The following TLCD5 variants were observed in gnomAD, a reference collection of about 807,000 sequenced individuals.
TLCD5 encodes TLC domain-containing protein 5.
Under a neutral mutation model 20.5 loss-of-function variants are expected in TLCD5, and 15 were observed. That is an observed-to-expected ratio of 0.73 (90% CI 0.49 to 1.13). The LOEUF (loss-of-function observed/expected upper bound fraction) is 1.13. Ranked by LOEUF, TLCD5 falls within the 50% of genes most tolerant of loss-of-function variation. The probability of loss-of-function intolerance (pLI) is 0.00; values close to 1 mark genes in which losing one functional copy is unlikely to be tolerated. For missense variants in TLCD5, 289 were observed against 305.6 expected, an observed-to-expected ratio of 0.95 and a Z score of 0.41; for synonymous variants, 107 against 114.7, an observed-to-expected ratio of 0.93 and a Z score of 0.43.
intron 1 of TLCD5, among the ~76,000 whole-genome samples, 174 bp downstream of exon 1, chr11:120,325,542 G>C (rs562061698): frequency 6.6e-6 from 1 of 152,090 alleles, no homozygotes; most frequent in East Asian, 2.0e-4. Context: ...CGGGATGCGG[G>C]GATAACGGTG....
intron 1 of TLCD5, among the ~76,000 whole-genome samples, chr11:120,326,493 A>T (rs1942004009): frequency 6.6e-6 from 1 of 152,206 alleles, no homozygotes; most frequent in Non-Finnish European, 1.5e-5. Flanking sequence ...CATGCAGAAA[A>T]TGTCTGCTGA....
chr11:120,328,693 G>A (rs1942060507), intron 2 of TLCD5, among the ~76,000 whole-genome samples: 1 of 152,268 alleles, frequency 6.6e-6, no homozygotes, highest in African/African-American at 2.4e-5. Flanking sequence ...GTGTGTGTGT[G>A]TGTGTGTGTG....
chr11:120,330,140 G>T lies in TLCD5; in HGVS notation c.363G>T (p.Glu121Asp), dbSNP rs201149149. 2,395 of 1,611,702 alleles carry T rather than the reference G, an allele frequency of 1.5e-3. 5 individuals are homozygous for T. Among genetic ancestry groups the T allele is most frequent in the Non-Finnish European group, 1.5e-3 (1,725 of 1,178,682 alleles). ...TTATCATGGCCCTTGTGCTTGGGGA[G>T]TCTGGCACAGAGGTCAATGCAGTCC... ...LGIIMALVLG[E>D]SGTEVNAVLF... The change falls in exon 3 of 3, where the codon GAG (glutamate) becomes GAT (aspartate). Residue 121 changes from glutamate to aspartate, a missense_variant. Glu to Asp is a conservative substitution (Grantham distance 45). Transcript: ENST00000375095.
intron 2 of TLCD5, among the ~76,000 whole-genome samples, chr11:120,328,013 A>T (rs1386717845): frequency 6.6e-6 from 1 of 151,954 alleles, no homozygotes; most frequent in Admixed American, 6.6e-5. Flanking sequence ...GCATCTTTCC[A>T]TGTCTATGTT....
chr11:120,327,676 TG>T lies in TLCD5; in HGVS notation c.199+41del, dbSNP rs769822979. Reference sequence around the variant, plus strand: ...GATTTTCCCTTAGGGATTTATGATTTGGGGGTAGTCTTAGAAGTATGGGACT... The same window carrying T: ...GATTTTCCCTTAGGGATTTATGATTTGGGGTAGTCTTAGAAGTATGGGACT... On this transcript the variant is annotated intron_variant, in intron 2 of 2. Coordinates refer to ENST00000375095, the MANE Select transcript of TLCD5 (RefSeq NM_001198671.2). 6 of 1,594,424 alleles carry T rather than the reference TG, an allele frequency of 3.8e-6. No individual in the cohort carries two copies. The Admixed American group carries it at 1.1e-4, about 28-fold the overall frequency.
chr11:120,328,016 T>C (rs766964681), intron 2 of TLCD5, among the ~76,000 whole-genome samples: 1 of 152,172 alleles, frequency 6.6e-6, no homozygotes, highest in Non-Finnish European at 1.5e-5. Flanking sequence ...TCTTTCCATG[T>C]CTATGTTAAG....
At chr11:120,325,625 C>A (rs1344406628) in intron 1 of TLCD5, among the ~76,000 whole-genome samples, 2 of 152,102 alleles carry the variant, frequency 1.3e-5, no homozygotes, top group Non-Finnish European at 2.9e-5. Context: ...GATCGCCGTC[C>A]CTGCGAGGCC....
chr11:120,326,201 T>C (rs973370024), intron 1 of TLCD5, among the ~76,000 whole-genome samples: 5 of 145,558 alleles, frequency 3.4e-5, no homozygotes, highest in Non-Finnish European at 7.6e-5. Flanking sequence ...TTTCTTTTCT[T>C]TAATTTCTTC....
chr11:120,332,667 G>A lies in TLCD5; in HGVS notation c.*2152G>A. On this transcript the variant is annotated 3_prime_UTR_variant, in exon 3 of 3. Coordinates refer to ENST00000375095, the MANE Select transcript of TLCD5 (RefSeq NM_001198671.2). The surrounding 1 kb of genome is among the most constrained non-coding windows in gnomAD (Gnocchi z 4.2). ...CCTGCCTCAGCCTCCCGAGTAGCTG[G>A]GACTACAGGCGTGTGCCACCATGCC... 6.6e-6 allele frequency: 1 copy of A among 152,528 alleles called. No individual in the cohort carries two copies. Among genetic ancestry groups the A allele is most frequent in the Non-Finnish European group, 1.5e-5 (1 of 68,272 alleles). The allele number at this position is 152,528 out of a possible 1,614,324, so 9.4% of individuals were successfully genotyped here.
At position 120,333,251 on chromosome 11, in the gene TLCD5, A is replaced by T. The variant is rs1389577609; in HGVS notation, c.*2736A>T. On this transcript the variant is annotated 3_prime_UTR_variant, in exon 3 of 3. Transcript: ENST00000375095. This position sits in a 1 kb window ranked among gnomAD's most constrained non-coding sequence, Gnocchi z 4.5. ...GTGCAACCTGTTCCATACCAGACAA[A>T]TGAACAGGCTTAATCTGGTACCAAT... is the stretch of plus-strand genomic sequence containing the variant. The T allele has an allele frequency of 6.6e-6, 1 of 152,210 alleles. No homozygotes were observed. The highest frequency in any genetic ancestry group is 2.4e-5 in the African/African-American group (1 of 41,442). 9.4% of individuals were successfully genotyped at this position (152,210 alleles called of 1,614,324 possible). A position where few individuals can be genotyped will look rare whatever the true frequency, so the allele number is the denominator to read the frequency against.
chr11:120,326,654 C>T (rs756035933), intron 1 of TLCD5, among the ~76,000 whole-genome samples: 2 of 152,346 alleles, frequency 1.3e-5, no homozygotes, highest in Admixed American at 6.5e-5. Context: ...CTTGTCCTAA[C>T]GTATTTGTCA....
At chr11:120,327,829 C>G (rs557370045) in intron 2 of TLCD5, among the ~76,000 whole-genome samples, 189 bp downstream of exon 2, 1 of 152,118 alleles carries the variant, frequency 6.6e-6, no homozygotes, top group Non-Finnish European at 1.5e-5. Flanking sequence ...TTTCATAACT[C>G]TCTACTTTTA....
At chr11:120,328,210 G>C (rs1416976989) in intron 2 of TLCD5, among the ~76,000 whole-genome samples, 1 of 152,000 alleles carries the variant, frequency 6.6e-6, no homozygotes, top group African/African-American at 2.4e-5. Flanking sequence ...CTCCCGAGTA[G>C]CTGGGACTAC....
rs1024106069 is a variant in TLCD5 at position 120,331,348 on chromosome 11, G to A, written c.*833G>A. On this transcript the variant is annotated 3_prime_UTR_variant, in exon 3 of 3. Transcript: ENST00000375095. The surrounding 1 kb of genome is among the most constrained non-coding windows in gnomAD (Gnocchi z 4.5). ...AATTCCCCTAGCAGTGATTTGTTAC[G>A]ACATGTGAATGAGTTGTCTACTGGA... 1 of 152,184 alleles carries A rather than the reference G, an allele frequency of 6.6e-6. No homozygotes were observed. Among genetic ancestry groups the A allele is most frequent in the Admixed American group, 6.5e-5 (1 of 15,282 alleles). 9.4% of individuals were successfully genotyped at this position (152,184 alleles called of 1,614,324 possible). A position where few individuals can be genotyped will look rare whatever the true frequency, so the allele number is the denominator to read the frequency against.
Position 120,330,723 on chromosome 11 carries a change from A to C in TLCD5, c.*208A>C. The C allele has an allele frequency of 1.9e-6, 1 of 534,084 alleles. No individual in the cohort carries two copies. The highest frequency in any genetic ancestry group is 3.2e-6 in the Non-Finnish European group (1 of 309,576). The allele number at this position is 534,084 out of a possible 1,614,324, so 33.1% of individuals were successfully genotyped here. On this transcript the variant is annotated 3_prime_UTR_variant, in exon 3 of 3. Transcript: ENST00000375095. ...TAGCACAGTTGTAGAAAGTGAGAATACTCCATGGTAGTTGGGAATAAGTGA... is the reference window on the plus strand; with the variant it reads ...TAGCACAGTTGTAGAAAGTGAGAATCCTCCATGGTAGTTGGGAATAAGTGA...
chr11:120,328,705 G>C (rs1044956630), intron 2 of TLCD5, among the ~76,000 whole-genome samples: 1 of 152,184 alleles, frequency 6.6e-6, no homozygotes, highest in African/African-American at 2.4e-5. Context: ...GTGTGTGTGT[G>C]TGTATGTTTA....
Position 120,332,469 on chromosome 11 carries a change from G to A in TLCD5, c.*1954G>A, listed in dbSNP as rs1159493207. ...TGGAGTCAAGGCTGGTCAGTAGGAA[G>A]CATCAGTCCATTCCATGGCCACTGG... On this transcript the variant is annotated 3_prime_UTR_variant, in exon 3 of 3. Coordinates refer to ENST00000375095, the MANE Select transcript of TLCD5 (RefSeq NM_001198671.2). The surrounding 1 kb of genome is among the most constrained non-coding windows in gnomAD (Gnocchi z 4.2). 1 of 152,222 alleles carries A rather than the reference G, an allele frequency of 6.6e-6. No homozygotes were observed. The highest frequency in any genetic ancestry group is 1.5e-5 in the Non-Finnish European group (1 of 68,056). The allele number at this position is 152,222 out of a possible 1,614,324, so 9.4% of individuals were successfully genotyped here.
intron 1 of TLCD5, among the ~76,000 whole-genome samples, chr11:120,326,841 T>A (rs1294740707): frequency 1.3e-5 from 2 of 152,256 alleles, no homozygotes; most frequent in Non-Finnish European, 2.9e-5. Flanking sequence ...AAGCCAGGAT[T>A]TCCCCCCAAC....
At chr11:120,328,778 GCGCGTGTATGTTTGTATATGTA>G in intron 2 of TLCD5, among the ~76,000 whole-genome samples, 1 of 151,398 alleles carries the variant, frequency 6.6e-6, no homozygotes, top group African/African-American at 2.4e-5. Flanking sequence ...GTGTGTGTGT[GCGCGTGTATGTTTGTATATGTA>G]TGCATATCTG....
Sources: gnomAD v4.1 joint callset for allele counts (sites outside exome capture counted in the v4.1 genomes callset) on GRCh38, gnomAD v4.1.1 for gene constraint, Gnocchi (gnomAD v3.1) non-coding constraint, MANE v1.5 for transcripts, NCBI Gene and HGNC (gene_info 2026-07-23, HGNC 2026-07-21) for gene names.